CARNMT1: variants seen among roughly 807,000 people sequenced by gnomAD.
CARNMT1 encodes protein-L-histidine N-pros-methyltransferase CARNMT1.
A neutral mutation model predicts 49.6 loss-of-function variants in CARNMT1; 28 were observed. The observed-to-expected ratio is 0.56, with a 90% CI of 0.42 to 0.77. The LOEUF (loss-of-function observed/expected upper bound fraction) is 0.77. Ranked by LOEUF, CARNMT1 falls within the 30% of genes least tolerant of loss-of-function variation. The pLI, the probability that CARNMT1 is intolerant of heterozygous loss-of-function variation, is 0.00. For synonymous variants in CARNMT1, 178 were observed against 175.0 expected, an observed-to-expected ratio of 1.02 and a Z score of -0.13; for missense variants, 421 against 512.6, an observed-to-expected ratio of 0.82 and a Z score of 1.73.
At chr9:75,001,720 G>C (rs529350077) in intron 3 of CARNMT1, among the ~76,000 whole-genome samples, 10 of 152,132 alleles carry the variant, frequency 6.6e-5, no homozygotes, top group Non-Finnish European at 8.8e-5. Flanking sequence ...CTTTACACAA[G>C]GGATATTAAC....
chr9:75,016,369 T>G lies in CARNMT1; in HGVS notation c.489A>C (p.Lys163Asn). Residue 163 changes from lysine (K) to asparagine (N), a missense_variant, in exon 3 of 8, where the codon AAA becomes AAC. Lys to Asn is a moderately conservative substitution (Grantham distance 94, BLOSUM62 0). Coordinates refer to ENST00000376834, the MANE Select transcript of CARNMT1 (RefSeq NM_152420.3). ...TTTCACTCCAGTCTCTCACAAACTG[T>G]TTCAGCGTGGATTTTAACTTATCCA... ...FDMDKLKSTL[K>N]QFVRDWSETG... is the part of the protein sequence containing the mutation. The G allele has an allele frequency of 6.2e-6, 10 of 1,614,060 alleles. No homozygotes were observed. Among genetic ancestry groups the G allele is most frequent in the Non-Finnish European group, 8.5e-6 (10 of 1,179,960 alleles).
intron 6 of CARNMT1, among the ~76,000 whole-genome samples, chr9:74,993,232 T>TA (rs1433619971): frequency 1.3e-5 from 2 of 152,004 alleles, no homozygotes; most frequent in East Asian, 1.9e-4. Flanking sequence ...TCTTAGAACA[T>TA]AAGAAATACA....
intron 1 of CARNMT1, among the ~76,000 whole-genome samples, chr9:75,024,706 T>G (rs1296951996): frequency 6.6e-6 from 1 of 152,208 alleles, no homozygotes; most frequent in African/African-American, 2.4e-5. Context: ...ACCTTTTATC[T>G]AAATCTCCTA....
intron 3 of CARNMT1, chr9:75,009,861 C>T (rs934309958): frequency 6.6e-6 from 1 of 152,014 alleles, no homozygotes; most frequent in Non-Finnish European, 1.5e-5. Context: ...TATAAGGAAG[C>T]CTTCAAGAAA....
At chr9:74,995,127 T>C (rs1833148224) in intron 6 of CARNMT1, among the ~76,000 whole-genome samples, 1 of 152,174 alleles carries the variant, frequency 6.6e-6, no homozygotes, top group African/African-American at 2.4e-5. Flanking sequence ...AACCTTACCA[T>C]AACTCAGTAA....
At chr9:74,995,028 A>T (rs535427747) in intron 6 of CARNMT1, among the ~76,000 whole-genome samples, 2 of 152,264 alleles carry the variant, frequency 1.3e-5, no homozygotes, top group South Asian at 4.1e-4. Flanking sequence ...ATTGTATTAT[A>T]TAACTTAATA....
chr9:74,997,976 T>C (rs1833240573), intron 5 of CARNMT1, among the ~76,000 whole-genome samples: 1 of 152,092 alleles, frequency 6.6e-6, no homozygotes, highest in South Asian at 2.1e-4. Context: ...TTGCTTTCCT[T>C]TTAGTGCCAA....
At chr9:75,023,917 ACT>A (rs1221824944) in intron 1 of CARNMT1, among the ~76,000 whole-genome samples, 1 of 152,152 alleles carries the variant, frequency 6.6e-6, no homozygotes, top group Admixed American at 6.5e-5. Flanking sequence ...CAAAAATCAG[ACT>A]CTCCTTGGTT....
At chr9:74,986,032 T>C (rs1056182005) in intron 6 of CARNMT1, among the ~76,000 whole-genome samples, 1 of 152,258 alleles carries the variant, frequency 6.6e-6, no homozygotes, top group African/African-American at 2.4e-5. Flanking sequence ...ATTTAAAGCA[T>C]GATTTTCAAA....
intron 2 of CARNMT1, 40 bp downstream of exon 2, chr9:75,017,213 G>T: frequency 6.7e-7 from 1 of 1,491,010 alleles, no homozygotes. Context: ...TACAGAGGTT[G>T]ACCCTAAAAT....
chr9:75,008,489 G>A (rs1833587716), intron 3 of CARNMT1, among the ~76,000 whole-genome samples: 1 of 152,062 alleles, frequency 6.6e-6, no homozygotes, highest in Non-Finnish European at 1.5e-5. Flanking sequence ...ACTCCACCAC[G>A]CCCAGCTACA....
In CARNMT1 at chr9:74,981,874, A is replaced by G. The variant is rs1229130366; in HGVS notation, c.*1893T>C. On this transcript the variant is annotated 3_prime_UTR_variant, in exon 8 of 8. Transcript: ENST00000376834. ...ATTGATTTTTAAAAAATACTTATGTACTTTGCAAGTTTTCTTCTTTTAAAA... is the reference window on the plus strand; with the variant it reads ...ATTGATTTTTAAAAAATACTTATGTGCTTTGCAAGTTTTCTTCTTTTAAAA... The G allele has an allele frequency of 6.6e-6, 1 of 151,996 alleles. No homozygotes were observed. Among genetic ancestry groups the G allele is most frequent in the Non-Finnish European group, 1.5e-5 (1 of 67,946 alleles). The allele number at this position is 151,996 out of a possible 1,614,324, so 9.4% of individuals were successfully genotyped here.
At chr9:75,015,493 T>C (rs1017954015) in intron 3 of CARNMT1, among the ~76,000 whole-genome samples, 15 of 152,216 alleles carry the variant, frequency 9.9e-5, no homozygotes, top group Middle Eastern at 3.4e-3. Flanking sequence ...TCACTTAAAA[T>C]TGTTATTCTG....
At position 75,024,127 on chromosome 9, in the gene CARNMT1, G is replaced by GT. The variant is rs35093045; in HGVS notation, c.230+3884dup. On this transcript the variant is annotated intron_variant, in intron 1 of 7. Coordinates refer to ENST00000376834, the MANE Select transcript of CARNMT1 (RefSeq NM_152420.3). ...CACCAGGTCTGATCTAAAGGCCATG[G>GT]TCACAGGCCCATTCCTCTGCACCTA... Among the ~76,000 whole-genome samples the GT allele has an allele frequency of 3.6e-3, 546 of 152,286 alleles. 1 individual carries two copies. Among genetic ancestry groups the GT allele is most frequent in the Middle Eastern group, 0.02 (6 of 294 alleles).
At chr9:75,021,475 T>TAC (rs201781956) in intron 1 of CARNMT1, among the ~76,000 whole-genome samples, 1,201 of 60,072 alleles carry the variant, frequency 0.02, 15 homozygotes, top group African/African-American at 0.044. Context: ...ATATATATAC[T>TAC]ATATATATAT....
intron 1 of CARNMT1, among the ~76,000 whole-genome samples, chr9:75,018,694 A>C (rs1279153705): frequency 6.6e-6 from 1 of 152,176 alleles, no homozygotes; most frequent in East Asian, 1.9e-4. Context: ...AGGTGGGCGC[A>C]GTGGCTCATC....
At chr9:75,007,337 C>T (rs763851245) in intron 3 of CARNMT1, among the ~76,000 whole-genome samples, 6 of 152,098 alleles carry the variant, frequency 3.9e-5, no homozygotes, top group Non-Finnish European at 7.4e-5. Flanking sequence ...TGAAATATAT[C>T]ACATTAATGG....
chr9:74,983,914 C>G, intron 7 of CARNMT1, 46 bp from the exon 8 acceptor site: 1 of 1,341,578 alleles, frequency 7.5e-7, no homozygotes, highest in South Asian at 1.5e-5. Flanking sequence ...TCATCATGAC[C>G]ACACCACTAA....
intron 3 of CARNMT1, among the ~76,000 whole-genome samples, chr9:75,013,752 C>A (rs1833765998): frequency 6.6e-6 from 1 of 151,868 alleles, no homozygotes; most frequent in Admixed American, 6.6e-5. Flanking sequence ...GCCTGTAATC[C>A]CAATATTTTG....
Sources: allele counts gnomAD v4.1 joint callset (sites outside exome capture counted in the v4.1 genomes callset), GRCh38; gene constraint gnomAD v4.1.1; transcripts MANE v1.5; gene names NCBI Gene and HGNC (gene_info 2026-07-23, HGNC 2026-07-21).